Variants in CACNA1C observed in about 807,000 individuals in gnomAD.
CACNA1C encodes calcium voltage-gated channel subunit alpha1 C.
In CACNA1C, 30 loss-of-function variants were observed where a neutral mutation model predicts 229.0. That is an observed-to-expected ratio of 0.13 (90% CI 0.10 to 0.18). CACNA1C has a LOEUF of 0.18. Among genes scored for constraint, CACNA1C ranks in the 10% least tolerant of loss-of-function variants. The pLI is 1.00. For synonymous variants in CACNA1C, 1,114 were observed against 1,132.5 expected (o/e 0.98, Z 0.33); for missense variants, 1,658 against 2,845.0 (o/e 0.58, Z 9.49).
chr12:2,377,406 G>A (rs1467121927), intron 3 of CACNA1C, among the ~76,000 whole-genome samples: 1 of 152,178 alleles, frequency 6.6e-6, no homozygotes, highest in Admixed American at 6.5e-5. Flanking sequence ...AGCTGCAACA[G>A]CGCTGCACCC....
At chr12:2,011,792 A>C (rs1213582971) in intron 1 of CACNA1C, among the ~76,000 whole-genome samples, 5 of 152,224 alleles carry the variant, frequency 3.3e-5, no homozygotes, top group African/African-American at 9.6e-5. Context: ...TCATGCTCGA[A>C]GGAAAGCTGT....
intron 3 of CACNA1C, among the ~76,000 whole-genome samples, chr12:2,166,908 GC>G (rs746522021): frequency 2.7e-4 from 41 of 152,232 alleles, no homozygotes; most frequent in Non-Finnish European, 5.0e-4. Flanking sequence ...CAGTGCCTGC[GC>G]CCTCCTTGCC....
intron 1 of CACNA1C, among the ~76,000 whole-genome samples, chr12:2,006,038 A>G (rs1444103334): frequency 6.6e-6 from 1 of 152,238 alleles, no homozygotes; most frequent in Non-Finnish European, 1.5e-5. Context: ...CTTTAAAGTT[A>G]TTTTTAATTT....
In CACNA1C at chr12:2,467,711, C is replaced by T. The variant is rs962191932; in HGVS notation, c.757+10005C>T. ...TTAGCACCTGCCAGGCCCACCCTCT[C>T]CCCCGGTGTCTCCTGATCTCCCAGT... On this transcript the variant is annotated intron_variant, in intron 5 of 46. Coordinates refer to ENST00000399655, the MANE Select transcript of CACNA1C (RefSeq NM_000719.7). This position sits in a 1 kb window ranked among gnomAD's most constrained non-coding sequence, Gnocchi z 4.6. 1.3e-5 allele frequency among the ~76,000 whole-genome samples: 2 copies of T among 152,176 alleles called. No individual in the cohort carries two copies. Among genetic ancestry groups the T allele is most frequent in the African/African-American group, 4.8e-5 (2 of 41,456 alleles).
chr12:1,984,648 T>C (rs1403975815), intron 1 of CACNA1C, among the ~76,000 whole-genome samples: 2 of 152,038 alleles, frequency 1.3e-5, no homozygotes, highest in South Asian at 2.1e-4. Context: ...AATAAATCTT[T>C]TGTAATTACC....
intron 3 of CACNA1C, among the ~76,000 whole-genome samples, chr12:2,307,499 C>T (rs1016758600): frequency 6.6e-6 from 1 of 152,206 alleles, no homozygotes; most frequent in Non-Finnish European, 1.5e-5. Flanking sequence ...AGCTCTACTT[C>T]TCTGCAAAGG....
intron 3 of CACNA1C, among the ~76,000 whole-genome samples, chr12:2,364,184 C>CT (rs888939811): frequency 5.9e-5 from 9 of 152,268 alleles, no homozygotes; most frequent in Admixed American, 3.9e-4. Context: ...TTTTAGTTCT[C>CT]TTTTTTTTCT....
At chr12:2,340,675 T>C (rs200414556) in intron 3 of CACNA1C, among the ~76,000 whole-genome samples, 1 of 152,194 alleles carries the variant, frequency 6.6e-6, no homozygotes, top group East Asian at 1.9e-4. Context: ...AAAAAGACAC[T>C]GGCTGGGTGT....
intron 1 of CACNA1C, among the ~76,000 whole-genome samples, chr12:2,022,341 G>A (rs1383409460): frequency 2.0e-5 from 3 of 152,108 alleles, no homozygotes; most frequent in South Asian, 2.1e-4. Flanking sequence ...TTTCTTAAAT[G>A]TATGTATAGC....
intron 3 of CACNA1C, among the ~76,000 whole-genome samples, chr12:2,254,764 A>G (rs2076780112): frequency 6.6e-6 from 1 of 152,156 alleles, no homozygotes; most frequent in Non-Finnish European, 1.5e-5. Flanking sequence ...GGGGGACGAT[A>G]TATGTTGAGA....
intron 7 of CACNA1C, among the ~76,000 whole-genome samples, chr12:2,503,706 A>G (rs1322080399): frequency 6.6e-6 from 1 of 151,454 alleles, no homozygotes; most frequent in African/African-American, 2.4e-5. Flanking sequence ...CCGGCGCACC[A>G]CTCCCTCTGG....
At chr12:2,604,001 T>C (rs1247133453) in intron 22 of CACNA1C, among the ~76,000 whole-genome samples, 1 of 152,210 alleles carries the variant, frequency 6.6e-6, no homozygotes, top group Non-Finnish European at 1.5e-5. Flanking sequence ...TAGGTTCTTC[T>C]TGTGCTCTCT....
intron 1 of CACNA1C, among the ~76,000 whole-genome samples, chr12:2,097,365 C>T (rs1031479218): frequency 6.6e-6 from 1 of 152,016 alleles, no homozygotes; most frequent in Non-Finnish European, 1.5e-5. Context: ...CCAGGATAGT[C>T]TCGATCTCCT....
chr12:2,006,180 C>T (rs561228923), intron 1 of CACNA1C, among the ~76,000 whole-genome samples: 70 of 152,224 alleles, frequency 4.6e-4, no homozygotes, highest in South Asian at 2.1e-3. Context: ...GAGGCTGAGG[C>T]GGGCGGATCA....
At chr12:2,592,795 A>G (rs1406515412) in intron 18 of CACNA1C, among the ~76,000 whole-genome samples, 1 of 147,238 alleles carries the variant, frequency 6.8e-6, no homozygotes, top group Non-Finnish European at 1.5e-5. Context: ...TTTGCAAGGG[A>G]TTCCACAAGC....
At chr12:2,581,411 A>G (rs745565124) in intron 13 of CACNA1C, among the ~76,000 whole-genome samples, 179 bp from the exon 14 acceptor site, 2 of 152,286 alleles carry the variant, frequency 1.3e-5, no homozygotes, top group South Asian at 4.2e-4. Flanking sequence ...GAGACCTTGA[A>G]TTAACTCCCT....
chr12:1,974,973 TTTAA>T (rs2154460278), intron 1 of CACNA1C, among the ~76,000 whole-genome samples: 1 of 152,258 alleles, frequency 6.6e-6, no homozygotes, highest in East Asian at 1.9e-4. Flanking sequence ...AGCCAGATGA[TTTAA>T]TTGAGTGTTT....
intron 18 of CACNA1C, among the ~76,000 whole-genome samples, chr12:2,591,808 G>A (rs897428272): frequency 4.6e-5 from 7 of 151,954 alleles, no homozygotes; most frequent in South Asian, 2.1e-4. Context: ...AGGGCCAAGC[G>A]CCTTCTGAAA....
intron 3 of CACNA1C, among the ~76,000 whole-genome samples, chr12:2,226,137 ACACACAC>A: frequency 7.0e-6 from 1 of 142,410 alleles, no homozygotes; most frequent in Admixed American, 7.0e-5. Flanking sequence ...ACACACACAC[ACACACAC>A]ACACACACAC....
Sources: gnomAD v4.1 joint callset for allele counts (sites outside exome capture counted in the v4.1 genomes callset) on GRCh38, gnomAD v4.1.1 for gene constraint, Gnocchi (gnomAD v3.1) non-coding constraint, MANE v1.5 for transcripts, NCBI Gene and HGNC (gene_info 2026-07-23, HGNC 2026-07-21) for gene names.